Variants in PPARGC1B observed in about 807,000 individuals in gnomAD.
PPARGC1B encodes PPARG coactivator 1 beta, also known as peroxisome proliferator-activated receptor gamma coactivator 1-beta.
Under a neutral mutation model 101.6 loss-of-function variants are expected in PPARGC1B, and 34 were observed. The ratio of observed to expected loss-of-function variants is 0.33; its 90% CI spans 0.25 to 0.45. The LOEUF is 0.45. Ranked by LOEUF, PPARGC1B falls within the 20% of genes least tolerant of loss-of-function variation. PPARGC1B has a pLI of 1.00. For missense variants in PPARGC1B, 1,234 were observed against 1,317.6 expected (o/e 0.94, Z 0.98); for synonymous variants, 548 against 539.3 (o/e 1.02, Z -0.22).
chr5:149,847,359 C>T, intron 11 of PPARGC1B, 99 bp from the exon 12 acceptor site: 1 of 898,390 alleles, frequency 1.1e-6, no homozygotes, highest in Admixed American at 1.7e-5. Context: ...GCAGCCACTC[C>T]ACGGTGCCCA....
chr5:149,817,090 C>T (rs1401590692), intron 1 of PPARGC1B, among the ~76,000 whole-genome samples: 1 of 152,200 alleles, frequency 6.6e-6, no homozygotes, highest in African/African-American at 2.4e-5. Flanking sequence ...GCCTTGGGCT[C>T]AGTCCCCACG....
rs1206566832 is a variant in PPARGC1B at position 149,776,267 on chromosome 5, C to A, written c.79-44166C>A. Among the ~76,000 whole-genome samples the A allele has an allele frequency of 1.1e-4, 16 of 152,342 alleles. No homozygotes were observed. In the East Asian group the frequency reaches 3.1e-3, roughly 29 times the overall value. ...CTTCTGTTGCTAGCTTGCAATGAGA[C>A]CATGGGCAAATTCCTTTCCCTCTCT... On this transcript the variant is annotated intron_variant, in intron 1 of 11. Coordinates refer to ENST00000309241, the MANE Select transcript of PPARGC1B (RefSeq NM_133263.4).
At chr5:149,734,601 T>A (rs141894512) in intron 1 of PPARGC1B, among the ~76,000 whole-genome samples, 17 of 152,308 alleles carry the variant, frequency 1.1e-4, no homozygotes, top group African/African-American at 3.6e-4. Context: ...ACGAATATCT[T>A]TTTATGTATG....
intron 1 of PPARGC1B, chr5:149,818,748 CATT>C: frequency 2.3e-6 from 1 of 444,442 alleles, no homozygotes. Flanking sequence ...ATTGTTTTAT[CATT>C]ATTATTATCA....
At chr5:149,777,336 G>A (rs533218399) in intron 1 of PPARGC1B, among the ~76,000 whole-genome samples, 8 of 152,118 alleles carry the variant, frequency 5.3e-5, no homozygotes, top group Admixed American at 3.3e-4. Flanking sequence ...CACATGCCAC[G>A]GTTGCTGAGC....
chr5:149,834,624 G>T, intron 5 of PPARGC1B, 50 bp from the exon 6 acceptor site: 1 of 1,570,980 alleles, frequency 6.4e-7, no homozygotes, highest in Non-Finnish European at 8.8e-7. Flanking sequence ...GGAAACATCT[G>T]CTAGTGATAC....
chr5:149,828,632 A>G (rs145650550), intron 3 of PPARGC1B, among the ~76,000 whole-genome samples: 124 of 152,326 alleles, frequency 8.1e-4, no homozygotes, highest in African/African-American at 2.8e-3. Flanking sequence ...TTTCCCTCCC[A>G]TGCCTTAGAT....
chr5:149,752,467 A>G (rs182359830), intron 1 of PPARGC1B, among the ~76,000 whole-genome samples: 2 of 152,252 alleles, frequency 1.3e-5, no homozygotes, highest in African/African-American at 2.4e-5. Context: ...CTGTGGTTCA[A>G]TGTGAAAGAG....
intron 1 of PPARGC1B, chr5:149,772,000 G>A (rs1282420869): frequency 2.1e-6 from 3 of 1,448,788 alleles, no homozygotes; most frequent in African/African-American, 2.9e-5. Context: ...AGACTTACAG[G>A]CAGGAAGCAG....
At position 149,832,914 on chromosome 5, in the gene PPARGC1B, C is replaced by G; in HGVS notation, c.841C>G (p.Gln281Glu). Residue 281 changes from glutamine (Q) to glutamate (E), a missense_variant, in exon 5 of 12, where the codon CAG becomes GAG. Physicochemically the swap from Gln to Glu is conservative, Grantham distance 29. This residue lies in a region of PPARGC1B where 734 missense variants were observed against 768.4 expected (regional missense o/e 0.96). Coordinates refer to ENST00000309241, the MANE Select transcript of PPARGC1B (RefSeq NM_133263.4). The surrounding 1 kb of genome is among the most constrained non-coding windows in gnomAD (Gnocchi z 4.9). ...GRADPGAPVS[Q>E]EDMQAMVQLI... ...GGCAGACCCCGGTGCCCCGGTTTCC[C>G]AGGAAGACATGCAGGCGATGGTGCA... The G allele has an allele frequency of 6.2e-7, 1 of 1,613,172 alleles. No homozygotes were observed. Among genetic ancestry groups the G allele is most frequent in the East Asian group, 2.2e-5 (1 of 44,874 alleles).
intron 1 of PPARGC1B, chr5:149,740,220 G>A (rs1159975660): frequency 6.6e-6 from 1 of 152,260 alleles, no homozygotes; most frequent in Non-Finnish European, 1.5e-5. Flanking sequence ...AGCCCTGGGA[G>A]CTTGGCAGAG....
chr5:149,776,974 C>G (rs1419257763), intron 1 of PPARGC1B, among the ~76,000 whole-genome samples: 1 of 152,202 alleles, frequency 6.6e-6, no homozygotes, highest in Non-Finnish European at 1.5e-5. Context: ...CAGCCCAGCT[C>G]TTCCATTATT....
At chr5:149,786,782 G>A (rs914656907) in intron 1 of PPARGC1B, among the ~76,000 whole-genome samples, 1 of 152,166 alleles carries the variant, frequency 6.6e-6, no homozygotes, top group African/African-American at 2.4e-5. Flanking sequence ...GGAAATGTGG[G>A]TAAAATGAGT....
intron 3 of PPARGC1B, 134 bp downstream of exon 3, chr5:149,827,019 A>T (rs1336383720): frequency 2.7e-6 from 2 of 738,960 alleles, no homozygotes; most frequent in African/African-American, 3.5e-5. Context: ...TGATCACAGC[A>T]GAGAGCGTGG....
chr5:149,815,168 T>C (rs751837520), intron 1 of PPARGC1B, among the ~76,000 whole-genome samples: 1 of 152,128 alleles, frequency 6.6e-6, no homozygotes, highest in Non-Finnish European at 1.5e-5. Context: ...CCCTGGGTGT[T>C]ATGGGTTGAA....
chr5:149,744,388 G>A (rs1480624347), intron 1 of PPARGC1B, among the ~76,000 whole-genome samples: 1 of 152,218 alleles, frequency 6.6e-6, no homozygotes, highest in African/African-American at 2.4e-5. Flanking sequence ...GTGGACTGCA[G>A]CACCGAAGCC....
rs1759640613 is a variant in PPARGC1B, at chr5:149,848,050, T to C, written c.*492T>C. On this transcript the variant is annotated 3_prime_UTR_variant, in exon 12 of 12. Transcript: ENST00000309241. ...TCAGATGTACTGTGCCTGGGATTAT[T>C]GTATTGCTTCCTTGATTTTTTAACT... 1.8e-5 allele frequency: 3 copies of C among 164,264 alleles called. No individual in the cohort carries two copies. The South Asian group carries it at 4.9e-4, about 27-fold the overall frequency. The allele number at this position is 164,264 out of a possible 1,614,324, so 10.2% of individuals were successfully genotyped here.
intron 1 of PPARGC1B, among the ~76,000 whole-genome samples, chr5:149,785,267 G>A (rs955622750): frequency 3.9e-5 from 6 of 152,208 alleles, no homozygotes; most frequent in Non-Finnish European, 8.8e-5. Context: ...AGGTGGGATA[G>A]GAAAGAGGCT....
intron 2 of PPARGC1B, among the ~76,000 whole-genome samples, chr5:149,821,194 A>C (rs1758282086): frequency 6.6e-6 from 1 of 152,008 alleles, no homozygotes; most frequent in Admixed American, 6.6e-5. Flanking sequence ...TTTCTTAACA[A>C]CTCTCAGTTG....
Sources: gnomAD v4.1 joint callset for allele counts (sites outside exome capture counted in the v4.1 genomes callset) on GRCh38, gnomAD v4.1.1 for gene constraint, gnomAD v4.1.1 regional missense constraint, Gnocchi (gnomAD v3.1) non-coding constraint, MANE v1.5 for transcripts, NCBI Gene and HGNC (gene_info 2026-07-23, HGNC 2026-07-21) for gene names.